Variants in ARHGAP44 observed in about 807,000 individuals in gnomAD.
ARHGAP44 encodes the protein Rho GTPase activating protein 44, also known as rho GTPase-activating protein 44.
A neutral mutation model predicts 106.8 loss-of-function variants in ARHGAP44; 43 were observed. The ratio of observed to expected loss-of-function variants is 0.40; its 90% CI spans 0.32 to 0.52. The LOEUF (loss-of-function observed/expected upper bound fraction) is 0.52. ARHGAP44 is among the 20% of genes least tolerant of loss of function. The probability of loss-of-function intolerance (pLI) is 0.48; values close to 1 mark genes in which losing one functional copy is unlikely to be tolerated. For synonymous variants in ARHGAP44, 439 were observed against 410.3 expected, an observed-to-expected ratio of 1.07 and a Z score of -0.85; for missense variants, 866 against 1,050.5, an observed-to-expected ratio of 0.82 and a Z score of 2.43.
At chr17:12,804,506 A>G (rs1042344238) in intron 1 of ARHGAP44, among the ~76,000 whole-genome samples, 13 of 152,222 alleles carry the variant, frequency 8.5e-5, no homozygotes, top group African/African-American at 3.1e-4. Flanking sequence ...GGAGGAGGAA[A>G]GTATTCAAGT....
intron 6 of ARHGAP44, among the ~76,000 whole-genome samples, chr17:12,920,102 T>C (rs547276300): frequency 1.3e-5 from 2 of 151,760 alleles, no homozygotes; most frequent in Non-Finnish European, 2.9e-5. Flanking sequence ...TGTGGCCGGG[T>C]GCAGTGGCTC....
intron 1 of ARHGAP44, among the ~76,000 whole-genome samples, chr17:12,855,259 C>T (rs1349385202): frequency 6.6e-6 from 1 of 152,048 alleles, no homozygotes; most frequent in African/African-American, 2.4e-5. Flanking sequence ...AATAAATAAA[C>T]AAACAAACAA....
rs58920583 is a variant in ARHGAP44 at position 12,989,278 on chromosome 17, AT to A, written c.2318-746del. Among the ~76,000 whole-genome samples the A allele has an allele frequency of 9.4e-4, 143 of 151,588 alleles. 2 individuals are homozygous for A. The South Asian group carries it at 0.027, about 28-fold the overall frequency. The stretch of plus-strand genomic sequence containing the variant: ...GGGCGGCGGCTGCAGCAGCAAGGGG[AT>A]TTTTTTTAACGTGGTGTGGCAAAGA... On this transcript the variant is annotated intron_variant, in intron 20 of 20. Coordinates refer to ENST00000379672, the MANE Select transcript of ARHGAP44 (RefSeq NM_014859.6).
intron 1 of ARHGAP44, among the ~76,000 whole-genome samples, chr17:12,819,800 A>T (rs1027631300): frequency 6.6e-5 from 10 of 151,980 alleles, no homozygotes; most frequent in African/African-American, 2.4e-4. Context: ...GGAGTTCTTT[A>T]TCTATTTTGC....
At chr17:12,916,074 A>T in intron 5 of ARHGAP44, 63 bp downstream of exon 5, 1 of 1,323,530 alleles carries the variant, frequency 7.6e-7, no homozygotes, top group Non-Finnish European at 1.1e-6. Flanking sequence ...GAGCCCCTCA[A>T]TCATTCTGTT....
At chr17:12,800,089 G>A (rs1424993170) in intron 1 of ARHGAP44, among the ~76,000 whole-genome samples, 1 of 152,150 alleles carries the variant, frequency 6.6e-6, no homozygotes, top group Non-Finnish European at 1.5e-5. Flanking sequence ...ATAACCCCTG[G>A]TTGTAATAAG....
chr17:12,887,805 T>C (rs549172847), intron 1 of ARHGAP44, among the ~76,000 whole-genome samples: 24 of 152,080 alleles, frequency 1.6e-4, no homozygotes, highest in African/African-American at 1.9e-4. Flanking sequence ...ATTCAAATTT[T>C]TATAGCTATA....
intron 6 of ARHGAP44, among the ~76,000 whole-genome samples, chr17:12,925,377 G>A (rs1378991125): frequency 3.9e-5 from 6 of 152,142 alleles, no homozygotes; most frequent in Non-Finnish European, 5.9e-5. Flanking sequence ...ACACATTACT[G>A]CAGAGTGGAA....
chr17:12,983,002 A>G (rs917125431), intron 19 of ARHGAP44: 1 of 151,898 alleles, frequency 6.6e-6, no homozygotes, highest in Non-Finnish European at 1.5e-5. Context: ...ACCGTGGCTC[A>G]CGCCTGTAAT....
chr17:12,823,125 G>C (rs937875666), intron 1 of ARHGAP44, among the ~76,000 whole-genome samples: 2 of 152,124 alleles, frequency 1.3e-5, no homozygotes, highest in African/African-American at 4.8e-5. Context: ...TTGTCCTTAT[G>C]ATAAAATGAA....
intron 1 of ARHGAP44, among the ~76,000 whole-genome samples, chr17:12,831,540 G>A (rs779859670): frequency 2.0e-5 from 3 of 152,154 alleles, no homozygotes; most frequent in Non-Finnish European, 4.4e-5. Context: ...AAATTACAAA[G>A]GCTTGGTCAG....
intron 1 of ARHGAP44, chr17:12,790,558 A>C (rs899555773): frequency 6.6e-6 from 1 of 152,396 alleles, no homozygotes; most frequent in Non-Finnish European, 1.5e-5. Context: ...TGCAAAAAGG[A>C]GGCCCAAGTC....
At position 12,897,669 on chromosome 17, in the gene ARHGAP44, C is replaced by T. The variant is rs1220111087; in HGVS notation, c.198+1158C>T. ...TAATGGGGGACTCCAGGAACGGTTCCGGATGGGGGTGCTGGAGCCAAGCCT... is the reference window on the plus strand; with the variant it reads ...TAATGGGGGACTCCAGGAACGGTTCTGGATGGGGGTGCTGGAGCCAAGCCT... On this transcript the variant is annotated intron_variant, in intron 3 of 20. Transcript: ENST00000379672. Among the ~76,000 whole-genome samples the T allele has an allele frequency of 1.5e-4, 23 of 149,308 alleles. No individual in the cohort carries two copies. In the East Asian group the frequency reaches 3.0e-3, roughly 19 times the overall value.
intron 6 of ARHGAP44, among the ~76,000 whole-genome samples, chr17:12,921,724 C>T (rs1009405419): frequency 6.6e-5 from 10 of 152,106 alleles, no homozygotes; most frequent in African/African-American, 2.4e-4. Flanking sequence ...GATATGTGAC[C>T]TTGGTCAAGT....
intron 1 of ARHGAP44, among the ~76,000 whole-genome samples, chr17:12,845,171 A>G (rs2035527005): frequency 6.6e-6 from 1 of 151,940 alleles, no homozygotes; most frequent in Non-Finnish European, 1.5e-5. Context: ...TGGTCTTCAT[A>G]GTATTTGTCA....
chr17:12,911,049 C>CAAAAAAAAAAAAAAAAAACAAA (rs60781678), intron 4 of ARHGAP44, among the ~76,000 whole-genome samples: 2 of 128,642 alleles, frequency 1.6e-5, no homozygotes, highest in African/African-American at 5.8e-5. Context: ...AAAAAGTAAC[C>CAAAAAAAAAAAAAAAAAACAAA]AAAAAAAAAA....
At chr17:12,987,350 CTTTCT>C (rs565324631) in intron 20 of ARHGAP44, 319 of 491,358 alleles carry the variant, frequency 6.5e-4, no homozygotes, top group Non-Finnish European at 8.6e-4. Flanking sequence ...GCCTCCTTTT[CTTTCT>C]TTTCATTAGG....
At chr17:12,857,973 T>A (rs1427159370) in intron 1 of ARHGAP44, among the ~76,000 whole-genome samples, 1 of 152,046 alleles carries the variant, frequency 6.6e-6, no homozygotes, top group African/African-American at 2.4e-5. Flanking sequence ...GAGGATTGGC[T>A]GCCACTAATC....
Position 12,949,396 on chromosome 17 carries a change from G to A in ARHGAP44, c.973+145G>A. 4 of 946,328 alleles carry A rather than the reference G, an allele frequency of 4.2e-6. No homozygotes were observed. Among genetic ancestry groups the A allele is most frequent in the Non-Finnish European group, 6.3e-6 (4 of 637,060 alleles). The allele number at this position is 946,328 out of a possible 1,614,324, so 58.6% of individuals were successfully genotyped here. Reference sequence around the variant, plus strand: ...GTGTCCACTCAGTGCCCAGTTTCAGGGCTGGGTGCTCTGGCCCCTTGAAGG... The same window carrying A: ...GTGTCCACTCAGTGCCCAGTTTCAGAGCTGGGTGCTCTGGCCCCTTGAAGG... On this transcript the variant is annotated intron_variant, in intron 11 of 20. Coordinates refer to ENST00000379672, the MANE Select transcript of ARHGAP44 (RefSeq NM_014859.6). The surrounding 1 kb of genome is among the most constrained non-coding windows in gnomAD (Gnocchi z 4.1).
Sources: allele counts gnomAD v4.1 joint callset (sites outside exome capture counted in the v4.1 genomes callset), GRCh38; gene constraint gnomAD v4.1.1; non-coding constraint Gnocchi (gnomAD v3.1); transcripts MANE v1.5; gene names NCBI Gene and HGNC (gene_info 2026-07-23, HGNC 2026-07-21).